The following CYP4X1 variants were observed in gnomAD, a reference collection of about 807,000 sequenced individuals.
CYP4X1 encodes the protein cytochrome P450 family 4 subfamily X member 1.
CYP4X1 carries 44 observed loss-of-function variants against 57.9 expected under a neutral mutation model. That is an observed-to-expected ratio of 0.76 (90% CI 0.60 to 0.98). CYP4X1 has a LOEUF of 0.98. Ranked by LOEUF, CYP4X1 falls within the 50% of genes least tolerant of loss-of-function variation. CYP4X1 has a pLI of 0.00. For missense variants in CYP4X1, 532 were observed against 623.9 expected, an observed-to-expected ratio of 0.85 and a Z score of 1.57; for synonymous variants, 227 against 228.6, an observed-to-expected ratio of 0.99 and a Z score of 0.06.
intron 7 of CYP4X1, among the ~76,000 whole-genome samples, chr1:47,039,129 C>T (rs1336920889): frequency 1.3e-5 from 2 of 152,058 alleles, no homozygotes; most frequent in Non-Finnish European, 2.9e-5. Flanking sequence ...TGATTGAGGG[C>T]CCTTTGTGCA....
At chr1:46,978,193 G>A in the CYP4X1 span, among the ~76,000 whole-genome samples, 1 of 151,980 alleles carries the variant, frequency 6.6e-6, no homozygotes, top group East Asian at 1.9e-4. Context: ...ATTGGATAAA[G>A]AGTCAAGACC....
In CYP4X1 at chr1:47,023,700, C is replaced by A; in HGVS notation, c.-118C>A. On this transcript the variant is annotated 5_prime_UTR_variant, in exon 1 of 12. Transcript: ENST00000371901. Reference sequence around the variant, plus strand: ...TTTCCTTCTTCCCGCGAGTCAGAAGCTTCGCGAGGGCCCAGAGAGGCGGTG... The same window carrying A: ...TTTCCTTCTTCCCGCGAGTCAGAAGATTCGCGAGGGCCCAGAGAGGCGGTG... The A allele has an allele frequency of 6.9e-7, 1 of 1,448,458 alleles. No individual in the cohort carries two copies. 89.7% of individuals were successfully genotyped at this position (1,448,458 alleles called of 1,614,324 possible). A position where few individuals can be genotyped will look rare whatever the true frequency, so the allele number is the denominator to read the frequency against.
intron 9 of CYP4X1, among the ~76,000 whole-genome samples, chr1:47,048,295 G>T (rs1173236940): frequency 1.3e-5 from 2 of 152,154 alleles, no homozygotes; most frequent in African/African-American, 4.8e-5. Flanking sequence ...AAACATAGCA[G>T]AAAATATAAG....
chr1:47,033,483 C>T (rs1644146131), intron 4 of CYP4X1, 115 bp downstream of exon 4: 1 of 1,359,112 alleles, frequency 7.4e-7, no homozygotes, highest in Non-Finnish European at 1.0e-6. Flanking sequence ...AAAATTTAAC[C>T]AATGTACACG....
chr1:47,023,950 C>A lies in CYP4X1; in HGVS notation c.133C>A (p.Pro45Thr), dbSNP rs1214896896. The change falls in exon 1 of 12, where the codon CCC (proline) becomes ACC (threonine). Residue 45 changes from proline to threonine, a missense_variant. Physicochemically the swap from Pro to Thr is conservative, Grantham distance 38. Coordinates refer to ENST00000371901, the MANE Select transcript of CYP4X1 (RefSeq NM_178033.2). ...GCAGCGGCTGCTGCGGGACCTGCGCCCCTTCCCAGCGCCCCCCACCCACTG... is the reference window on the plus strand; with the variant it reads ...GCAGCGGCTGCTGCGGGACCTGCGCACCTTCCCAGCGCCCCCCACCCACTG... ...RRQRLLRDLR[P>T]FPAPPTHWFL... 11 of 1,613,186 alleles carry A rather than the reference C, an allele frequency of 6.8e-6. No individual in the cohort carries two copies. Among genetic ancestry groups the A allele is most frequent in the Non-Finnish European group, 9.3e-6 (11 of 1,179,922 alleles).
chr1:46,974,187 T>A, the CYP4X1 span, among the ~76,000 whole-genome samples: 1 of 152,214 alleles, frequency 6.6e-6, no homozygotes, highest in Non-Finnish European at 1.5e-5. Context: ...CAAATGTTAT[T>A]CAGAAGCAGA....
chr1:46,996,780 T>TGTGCCTGTTTATGATGCCC, the CYP4X1 span, among the ~76,000 whole-genome samples: 230 of 152,314 alleles, frequency 1.5e-3, 1 homozygote, highest in African/African-American at 4.0e-3. Flanking sequence ...AGCAGAGGCC[T>TGTGCCTGTTTATGATGCCC]GTGCCTGTTT....
the CYP4X1 span, among the ~76,000 whole-genome samples, chr1:46,990,761 G>T: frequency 3.5e-3 from 536 of 152,284 alleles, 4 homozygotes; most frequent in African/African-American, 0.012. Flanking sequence ...GGACATGGAT[G>T]AAGCTGGAAA....
At chr1:47,051,358 G>A (rs1284563740), downstream of CYP4X1, among the ~76,000 whole-genome samples, 12 of 143,674 alleles carry the variant, frequency 8.4e-5, no homozygotes, top group Admixed American at 1.4e-4. Flanking sequence ...CAGCCTGGGC[G>A]ACAGAGCGAG....
chr1:47,020,649 C>A (rs1643986182), upstream of CYP4X1, among the ~76,000 whole-genome samples: 1 of 152,340 alleles, frequency 6.6e-6, no homozygotes, highest in Non-Finnish European at 1.5e-5. Flanking sequence ...ATGAGCAAAT[C>A]AGAGAGCAGT....
intron 9 of CYP4X1, 63 bp from the exon 10 acceptor site, chr1:47,048,502 G>A (rs1041378479): frequency 1.3e-6 from 2 of 1,566,910 alleles, no homozygotes; most frequent in South Asian, 2.2e-5. Flanking sequence ...TCTTGTTTAA[G>A]AGCACAGTAG....
At chr1:47,035,748 A>G in intron 4 of CYP4X1, 58 bp from the exon 5 acceptor site, 1 of 1,568,158 alleles carries the variant, frequency 6.4e-7, no homozygotes, top group Admixed American at 1.8e-5. Context: ...GAGCCTTCAA[A>G]TGAAGGCAAT....
At chr1:46,996,133 A>G in the CYP4X1 span, among the ~76,000 whole-genome samples, 19 of 152,210 alleles carry the variant, frequency 1.2e-4, no homozygotes, top group African/African-American at 4.6e-4. Context: ...TTCTATCACA[A>G]CAACTCTACG....
the CYP4X1 span, among the ~76,000 whole-genome samples, chr1:46,965,156 G>A: frequency 6.6e-6 from 1 of 152,202 alleles, no homozygotes; most frequent in Non-Finnish European, 1.5e-5. Flanking sequence ...CCTTGGCTAG[G>A]AAAGGGAATT....
intron 1 of CYP4X1, among the ~76,000 whole-genome samples, chr1:47,029,108 T>C (rs1337850982): frequency 6.6e-6 from 1 of 152,178 alleles, no homozygotes; most frequent in Non-Finnish European, 1.5e-5. Flanking sequence ...CTGCAGCAGA[T>C]ACCGTGTGAT....
chr1:47,053,311 C>T (rs1043464868), downstream of CYP4X1, among the ~76,000 whole-genome samples: 1 of 152,134 alleles, frequency 6.6e-6, no homozygotes, highest in East Asian at 1.9e-4. Flanking sequence ...TTAATCCAGT[C>T]TATCATTGTT....
At chr1:46,965,844 TC>T in the CYP4X1 span, among the ~76,000 whole-genome samples, 1 of 152,130 alleles carries the variant, frequency 6.6e-6, no homozygotes, top group African/African-American at 2.4e-5. Context: ...TGGCCACGCC[TC>T]CCCTCAGGAG....
At chr1:46,977,518 A>G in the CYP4X1 span, among the ~76,000 whole-genome samples, 38 of 152,256 alleles carry the variant, frequency 2.5e-4, no homozygotes, top group Non-Finnish European at 1.2e-4. Context: ...CTCGAAAGTG[A>G]CCGAGAGAAT....
chr1:46,964,746 A>AC, the CYP4X1 span, among the ~76,000 whole-genome samples: 1 of 152,174 alleles, frequency 6.6e-6, no homozygotes, highest in Non-Finnish European at 1.5e-5. Flanking sequence ...TGCTGGGAGA[A>AC]CCACTACTCT....
Sources: gnomAD v4.1 joint callset for allele counts (sites outside exome capture counted in the v4.1 genomes callset) on GRCh38, gnomAD v4.1.1 for gene constraint, MANE v1.5 for transcripts, NCBI Gene and HGNC (gene_info 2026-07-23, HGNC 2026-07-21) for gene names.